ROBO1: variants seen among roughly 807,000 people sequenced by gnomAD.
ROBO1 encodes the protein roundabout guidance receptor 1.
In ROBO1, 149 loss-of-function variants were observed where a neutral mutation model predicts 195.9. The observed-to-expected ratio is 0.76, with a 90% CI of 0.67 to 0.87. ROBO1 has a LOEUF of 0.87. ROBO1 is among the 40% of genes least tolerant of loss of function. The probability of loss-of-function intolerance (pLI) is 0.00; values close to 1 mark genes in which losing one functional copy is unlikely to be tolerated. For missense variants in ROBO1, 1,933 were observed against 2,068.3 expected (o/e 0.93, Z 1.27); for synonymous variants, 816 against 733.2 (o/e 1.11, Z -1.82).
chr3:79,645,055 A>C (rs1240468912), intron 1 of ROBO1, among the ~76,000 whole-genome samples: 2 of 152,268 alleles, frequency 1.3e-5, no homozygotes, highest in East Asian at 1.9e-4. Flanking sequence ...ACAATACAGC[A>C]AAAACAGTAC....
rs147414672 is a variant in ROBO1 at position 78,818,578 on chromosome 3, C to CAT, written c.500-71679_500-71678insAT. Among the ~76,000 whole-genome samples the CAT allele has an allele frequency of 1.4e-4, 21 of 152,306 alleles. No homozygotes were observed. In the East Asian group the frequency reaches 3.7e-3, roughly 27 times the overall value. On this transcript the variant is annotated intron_variant, in intron 4 of 30. Coordinates refer to ENST00000464233, the MANE Select transcript of ROBO1 (RefSeq NM_002941.4). ...TGTCTTCCTGGCCAACGGAAGTACA[C>CAT]GCAGTCAGCGCCTTGGAGGCTGAAC...
chr3:78,746,928 C>A (rs2304503), intron 4 of ROBO1, 28 bp from the exon 5 acceptor site: 735,858 of 1,454,514 alleles, frequency 0.51, 189,620 homozygotes, highest in Middle Eastern at 0.57. Flanking sequence ...AATCATTATA[C>A]CCAAAAGTGA....
At chr3:79,069,273 T>G in intron 3 of ROBO1, among the ~76,000 whole-genome samples, 1 of 152,050 alleles carries the variant, frequency 6.6e-6, no homozygotes, top group East Asian at 1.9e-4. Flanking sequence ...TGTATGCAGC[T>G]ATATATCTAT....
At chr3:78,831,715 A>T (rs920997522) in intron 4 of ROBO1, among the ~76,000 whole-genome samples, 1 of 152,222 alleles carries the variant, frequency 6.6e-6, no homozygotes, top group African/African-American at 2.4e-5. Context: ...TAAAGGAAAG[A>T]GTTTTAATTG....
intron 1 of ROBO1, among the ~76,000 whole-genome samples, chr3:79,666,597 A>G (rs1449317072): frequency 6.6e-6 from 1 of 151,812 alleles, no homozygotes; most frequent in Non-Finnish European, 1.5e-5. Flanking sequence ...TGATGGTTTT[A>G]TAAGGGGTTT....
chr3:78,752,307 G>A (rs1419595255), intron 4 of ROBO1, among the ~76,000 whole-genome samples: 1 of 152,142 alleles, frequency 6.6e-6, no homozygotes, highest in Non-Finnish European at 1.5e-5. Flanking sequence ...TCTGCACTGA[G>A]CACATACTTT....
intron 1 of ROBO1, among the ~76,000 whole-genome samples, chr3:79,757,503 C>CCATA (rs369407395): frequency 0.12 from 17,028 of 144,870 alleles, 1,132 homozygotes; most frequent in Non-Finnish European, 0.12. Flanking sequence ...CTCTCTCTCT[C>CCATA]TCTCTCCATA....
In ROBO1 at chr3:79,081,434, C is replaced by T. The variant is rs1226717988; in HGVS notation, c.172+44022G>A. 2.6e-5 allele frequency among the ~76,000 whole-genome samples: 4 copies of T among 152,068 alleles called. No homozygotes were observed. The East Asian group carries it at 5.8e-4, about 22-fold the overall frequency. On this transcript the variant is annotated intron_variant, in intron 3 of 30. Transcript: ENST00000464233. ...AATCTTTGAGCACAATAGTAAAGTT[C>T]AGTTCTGGAAAAAGATAGTGTACTG...
intron 2 of ROBO1, among the ~76,000 whole-genome samples, chr3:79,139,436 A>G (rs1270271748): frequency 6.6e-6 from 1 of 152,116 alleles, no homozygotes; most frequent in African/African-American, 2.4e-5. Flanking sequence ...CTCTTAAAGT[A>G]ATTGGGGAAA....
chr3:79,475,780 A>G (rs1448729275), intron 2 of ROBO1, among the ~76,000 whole-genome samples: 1 of 152,104 alleles, frequency 6.6e-6, no homozygotes, highest in Non-Finnish European at 1.5e-5. Flanking sequence ...TAAAATGTGC[A>G]TAAGAGTTCT....
rs555486939 is a variant in ROBO1 at position 79,351,288 on chromosome 3, G to A, written c.89-225749C>T. ...TCATGAGCAAAATAAACAACTTAAA[G>A]TGCATAAAGTAGTTTAGGCAGCTGC... is the stretch of plus-strand genomic sequence containing the variant. On this transcript the variant is annotated intron_variant, in intron 2 of 30. Transcript: ENST00000464233. 2.2e-4 allele frequency among the ~76,000 whole-genome samples: 33 copies of A among 152,266 alleles called. No individual in the cohort carries two copies. The South Asian group carries it at 2.9e-3, about 13-fold the overall frequency.
intron 2 of ROBO1, among the ~76,000 whole-genome samples, chr3:79,391,320 C>T (rs1366374480): frequency 2.0e-5 from 3 of 151,984 alleles, no homozygotes; most frequent in South Asian, 4.2e-4. Context: ...AAACCATAAA[C>T]GAAAACATAA....
intron 4 of ROBO1, among the ~76,000 whole-genome samples, chr3:78,836,573 G>A (rs748351746): frequency 2.6e-5 from 4 of 151,024 alleles, no homozygotes; most frequent in Non-Finnish European, 4.4e-5. Context: ...CCATTAGAAG[G>A]TATAATGCAG....
At chr3:78,800,584 TC>T (rs1259284713) in intron 4 of ROBO1, among the ~76,000 whole-genome samples, 2 of 151,998 alleles carry the variant, frequency 1.3e-5, no homozygotes, top group Admixed American at 1.3e-4. Context: ...GAAGACAGAG[TC>T]TCACCGTGTC....
chr3:78,793,758 T>C (rs536136813), intron 4 of ROBO1, among the ~76,000 whole-genome samples: 5 of 152,062 alleles, frequency 3.3e-5, no homozygotes, highest in Non-Finnish European at 7.4e-5. Context: ...ATATTTAGTT[T>C]TTTTTTTTAA....
intron 2 of ROBO1, among the ~76,000 whole-genome samples, chr3:79,572,476 T>G (rs1943311334): frequency 6.6e-6 from 1 of 152,016 alleles, no homozygotes; most frequent in African/African-American, 2.4e-5. Flanking sequence ...AGAAGGTGTG[T>G]TTAGGTAATA....
chr3:79,087,700 G>A (rs1251898043), intron 3 of ROBO1, among the ~76,000 whole-genome samples: 1 of 151,682 alleles, frequency 6.6e-6, no homozygotes, highest in Admixed American at 6.6e-5. Flanking sequence ...TGTGATTTTT[G>A]AAATTTGAAA....
intron 2 of ROBO1, among the ~76,000 whole-genome samples, chr3:79,531,653 T>C (rs1377559163): frequency 1.3e-5 from 2 of 152,154 alleles, no homozygotes; most frequent in Admixed American, 6.5e-5. Flanking sequence ...CTGGCAAAAA[T>C]AGCAAATTGA....
chr3:79,547,184 C>CAAAAAAAAAAAA (rs1162585941), intron 2 of ROBO1, among the ~76,000 whole-genome samples: 4 of 23,276 alleles, frequency 1.7e-4, no homozygotes, highest in Non-Finnish European at 2.3e-4. Flanking sequence ...GACTCCGCCT[C>CAAAAAAAAAAAA]AAAAAAAAAA....
Sources: gnomAD v4.1 joint callset for allele counts (sites outside exome capture counted in the v4.1 genomes callset) on GRCh38, gnomAD v4.1.1 for gene constraint, MANE v1.5 for transcripts, NCBI Gene and HGNC (gene_info 2026-07-23, HGNC 2026-07-21) for gene names.